Variants in DGKB observed in about 807,000 individuals in gnomAD.
DGKB encodes diacylglycerol kinase beta, also known as 90 kDa diacylglycerol kinase.
Under a neutral mutation model 114.3 loss-of-function variants are expected in DGKB, and 67 were observed. That is an observed-to-expected ratio of 0.59 (90% confidence interval 0.48 to 0.72). The LOEUF is 0.72. Among genes scored for constraint, DGKB ranks in the 30% least tolerant of loss-of-function variants. DGKB has a pLI of 0.00. For missense variants in DGKB, 907 were observed against 975.2 expected (o/e 0.93, Z 0.93); for synonymous variants, 398 against 323.1 (o/e 1.23, Z -2.49).
At chr7:14,298,711 G>T (rs1257880669) in intron 23 of DGKB, among the ~76,000 whole-genome samples, 1 of 152,136 alleles carries the variant, frequency 6.6e-6, no homozygotes, top group East Asian at 1.9e-4. Flanking sequence ...TTAAACTAAA[G>T]AGCTTCTGCA....
At chr7:14,258,824 G>A (rs181478218) in intron 23 of DGKB, among the ~76,000 whole-genome samples, 237 of 152,210 alleles carry the variant, frequency 1.6e-3, no homozygotes, top group African/African-American at 5.3e-3. Flanking sequence ...ATAGCCCTAG[G>A]GTACGTGTGT....
intron 20 of DGKB, among the ~76,000 whole-genome samples, chr7:14,511,326 A>C (rs1181800931): frequency 6.6e-6 from 1 of 152,200 alleles, no homozygotes; most frequent in African/African-American, 2.4e-5. Flanking sequence ...CTCTGTCAGC[A>C]CTTGCTTGCT....
intron 20 of DGKB, among the ~76,000 whole-genome samples, chr7:14,517,946 C>A (rs1430899089): frequency 6.6e-6 from 1 of 152,144 alleles, no homozygotes; most frequent in Non-Finnish European, 1.5e-5. Flanking sequence ...CTTGACCCAG[C>A]AATCCCATTC....
chr7:14,490,506 T>C (rs75590146), intron 20 of DGKB, among the ~76,000 whole-genome samples: 4,115 of 152,238 alleles, frequency 0.027, 191 homozygotes, highest in African/African-American at 0.093. Flanking sequence ...TAACTAGAAA[T>C]GGTTATCTAG....
chr7:14,712,385 A>T (rs540365477), intron 6 of DGKB, among the ~76,000 whole-genome samples: 1 of 152,322 alleles, frequency 6.6e-6, no homozygotes, highest in African/African-American at 2.4e-5. Context: ...GTTTATGAAC[A>T]TAAATTTATG....
intron 25 of DGKB, among the ~76,000 whole-genome samples, chr7:14,157,445 C>A (rs996668336): frequency 3.2e-4 from 47 of 148,770 alleles, no homozygotes; most frequent in African/African-American, 9.9e-4. Context: ...ATGTTAAAGT[C>A]TTCGATCTAA....
intron 20 of DGKB, among the ~76,000 whole-genome samples, chr7:14,568,803 G>A (rs1797964219): frequency 6.6e-6 from 1 of 152,174 alleles, no homozygotes; most frequent in Admixed American, 6.5e-5. Context: ...TTTGTATATT[G>A]TACAGCGCTA....
chr7:14,936,574 C>T (rs556146878), intron 1 of DGKB, among the ~76,000 whole-genome samples: 2 of 152,126 alleles, frequency 1.3e-5, no homozygotes, highest in East Asian at 3.9e-4. Flanking sequence ...TTCATGTCTT[C>T]AAAAAGAAGC....
chr7:14,400,109 T>C (rs1319250970), intron 21 of DGKB, among the ~76,000 whole-genome samples: 1 of 151,886 alleles, frequency 6.6e-6, no homozygotes, highest in Non-Finnish European at 1.5e-5. Context: ...ATCATATAAA[T>C]CTCTTCAATT....
intron 20 of DGKB, among the ~76,000 whole-genome samples, chr7:14,520,102 T>C (rs1181999179): frequency 2.0e-5 from 3 of 151,680 alleles, no homozygotes; most frequent in African/African-American, 7.2e-5. Context: ...ATATAATGTC[T>C]AAAGACACCC....
intron 1 of DGKB, among the ~76,000 whole-genome samples, chr7:14,917,809 C>G (rs1162023954): frequency 6.6e-6 from 1 of 151,952 alleles, no homozygotes; most frequent in Non-Finnish European, 1.5e-5. Flanking sequence ...CTGACCCTTA[C>G]AAGAATGAAA....
intron 20 of DGKB, among the ~76,000 whole-genome samples, chr7:14,507,084 T>C (rs1278490184): frequency 1.3e-5 from 2 of 152,150 alleles, no homozygotes; most frequent in African/African-American, 2.4e-5. Flanking sequence ...GCCTGACTGA[T>C]AGACAAGATA....
At chr7:14,526,302 C>T (rs1443364772) in intron 20 of DGKB, among the ~76,000 whole-genome samples, 1 of 151,974 alleles carries the variant, frequency 6.6e-6, no homozygotes, top group East Asian at 1.9e-4. Flanking sequence ...TGGCAATATC[C>T]CTGGTCTGTA....
At chr7:14,156,487 CTA>C (rs1253256244) in intron 25 of DGKB, among the ~76,000 whole-genome samples, 2 of 152,062 alleles carry the variant, frequency 1.3e-5, no homozygotes, top group African/African-American at 2.4e-5. Flanking sequence ...CCAATAAACT[CTA>C]TGTCTAAAAA....
chr7:14,544,771 C>T (rs1333626974), intron 20 of DGKB, among the ~76,000 whole-genome samples: 1 of 152,086 alleles, frequency 6.6e-6, no homozygotes, highest in Non-Finnish European at 1.5e-5. Context: ...GAAAAGTCTT[C>T]TAGGACAGGG....
rs564032420 is a variant in DGKB, at chr7:14,867,430, T to A, written c.-187-25980A>T. ...AAGGTCTATGTCTAGATGTCTAGATTCTGTTTTTTTTTTTAAATGTGGATG... is the reference window on the plus strand; with the variant it reads ...AAGGTCTATGTCTAGATGTCTAGATACTGTTTTTTTTTTTAAATGTGGATG... On this transcript the variant is annotated intron_variant, in intron 1 of 25. Coordinates refer to ENST00000402815, the MANE Select transcript of DGKB (RefSeq NM_001350709.2). 4.6e-4 allele frequency among the ~76,000 whole-genome samples: 69 copies of A among 151,246 alleles called. 1 individual carries two copies. Among genetic ancestry groups the A allele is most frequent in the Admixed American group, 3.3e-4 (5 of 15,270 alleles).
chr7:14,846,058 A>C (rs2128147834), intron 1 of DGKB, among the ~76,000 whole-genome samples: 2 of 152,288 alleles, frequency 1.3e-5, no homozygotes, highest in South Asian at 4.1e-4. Flanking sequence ...ACACCACTTA[A>C]CTTTCTTTGA....
intron 2 of DGKB, among the ~76,000 whole-genome samples, chr7:14,829,586 T>C (rs1846139210): frequency 6.6e-6 from 1 of 152,114 alleles, no homozygotes; most frequent in Non-Finnish European, 1.5e-5. Context: ...GTGAACACTT[T>C]AGGAATGTCT....
intron 21 of DGKB, among the ~76,000 whole-genome samples, chr7:14,402,109 TTATTTC>T: frequency 6.6e-6 from 1 of 151,840 alleles, no homozygotes; most frequent in Admixed American, 6.6e-5. Flanking sequence ...TTTTAATTAT[TTATTTC>T]TATATATAGA....
Sources: allele counts gnomAD v4.1 joint callset (sites outside exome capture counted in the v4.1 genomes callset), GRCh38; gene constraint gnomAD v4.1.1; transcripts MANE v1.5; gene names NCBI Gene and HGNC (gene_info 2026-07-23, HGNC 2026-07-21).